NCOR2: variants seen among roughly 807,000 people sequenced by gnomAD.
The protein encoded by NCOR2 is nuclear receptor corepressor 2, also known as CTG repeat protein 26.
NCOR2 carries 81 observed loss-of-function variants against 262.9 expected under a neutral mutation model. That is an observed-to-expected ratio of 0.31 (90% confidence interval 0.26 to 0.37). The LOEUF (loss-of-function observed/expected upper bound fraction) is 0.37. Among genes scored for constraint, NCOR2 ranks in the 10% least tolerant of loss-of-function variants. The pLI, the probability that NCOR2 is intolerant of heterozygous loss-of-function variation, is 1.00. For synonymous variants in NCOR2, 1,659 were observed against 1,559.3 expected (o/e 1.06, Z -1.51); for missense variants, 3,385 against 3,621.4 (o/e 0.93, Z 1.68).
chr12:124,338,957 ACC>A, intron 37 of NCOR2, among the ~76,000 whole-genome samples: 1 of 65,904 alleles, frequency 1.5e-5, no homozygotes, highest in African/African-American at 6.2e-5. Context: ...TCACCCACCC[ACC>A]TACCTCCCTA....
chr12:124,433,323 G>A (rs950641723), intron 8 of NCOR2, among the ~76,000 whole-genome samples: 3 of 152,196 alleles, frequency 2.0e-5, no homozygotes, highest in Non-Finnish European at 4.4e-5. Flanking sequence ...ATGCCACCTC[G>A]GCCCCTGTCC....
intron 1 of NCOR2, among the ~76,000 whole-genome samples, chr12:124,520,861 G>A (rs1186838893): frequency 1.3e-5 from 2 of 152,370 alleles, no homozygotes; most frequent in East Asian, 3.9e-4. Context: ...CGTCTGCTGA[G>A]CAGAGCTTTG....
intron 1 of NCOR2, among the ~76,000 whole-genome samples, chr12:124,529,398 C>T (rs182836491): frequency 1.9e-3 from 289 of 152,094 alleles, no homozygotes; most frequent in Non-Finnish European, 2.9e-3. Context: ...CGCTTGAACC[C>T]GGGAGGCGGA....
intron 20 of NCOR2, 71 bp downstream of exon 22, chr12:124,371,951 T>C (rs948496226): frequency 1.9e-5 from 28 of 1,445,540 alleles, no homozygotes; most frequent in Non-Finnish European, 5.5e-6. Flanking sequence ...GGTGCGGCTG[T>C]CTAAGTAGGT....
In NCOR2 at chr12:124,429,510, C is replaced by T. The variant is rs982836108; in HGVS notation, c.1149+103G>A. ...CCCGCGCTTCGGTGGCAAAGCCCCT[C>T]GACGTAAACCACCCGGGAGGTGGTT... On this transcript the variant is annotated intron_variant, in intron 10 of 46. Transcript: ENST00000405201. 2.5e-5 allele frequency: 32 copies of T among 1,268,142 alleles called. No homozygotes were observed. The East Asian group carries it at 6.4e-4, about 25-fold the overall frequency. The allele number at this position is 1,268,142 out of a possible 1,614,324, so 78.6% of individuals were successfully genotyped here.
chr12:124,415,859 C>T (rs1448415220), intron 13 of NCOR2, among the ~76,000 whole-genome samples: 1 of 152,118 alleles, frequency 6.6e-6, no homozygotes, highest in Admixed American at 6.5e-5. Flanking sequence ...CCCCAGACAT[C>T]TAATGCCCTC....
chr12:124,560,373 G>A (rs2052028678), intron 1 of NCOR2, among the ~76,000 whole-genome samples: 1 of 152,226 alleles, frequency 6.6e-6, no homozygotes, highest in Non-Finnish European at 1.5e-5. Flanking sequence ...ACCGAAATTT[G>A]CATTTCATAT....
Position 124,422,570 on chromosome 12 carries a change from G to A in NCOR2, c.1329-15C>T, listed in dbSNP as rs2043271539. On this transcript the variant is annotated splice_polypyrimidine_tract_variant and intron_variant, in intron 11 of 46. Transcript: ENST00000405201. The stretch of plus-strand genomic sequence containing the variant: ...GCTGCATGAACCTGCGGGACGAGAA[G>A]GGTGGGCGTGAGACCTGGCCGAGGG... The A allele has an allele frequency of 6.2e-7, 1 of 1,613,734 alleles. No individual in the cohort carries two copies. The highest frequency in any genetic ancestry group is 1.6e-4 in the Middle Eastern group (1 of 6,062).
intron 28 of NCOR2, among the ~76,000 whole-genome samples, chr12:124,350,346 C>T (rs569211771): frequency 1.3e-5 from 2 of 152,338 alleles, no homozygotes; most frequent in East Asian, 3.9e-4. Context: ...CCCTCCTATG[C>T]TTCTAAAAAG....
chr12:124,421,666 C>CG (rs2043209896), intron 12 of NCOR2, among the ~76,000 whole-genome samples: 1 of 152,234 alleles, frequency 6.6e-6, no homozygotes, highest in Non-Finnish European at 1.5e-5. Flanking sequence ...GGGCAGGTCC[C>CG]CATCTCTGAG....
rs1291203464 is a variant in NCOR2, at chr12:124,483,461, C to T, written c.411+135G>A. On this transcript the variant is annotated intron_variant, in intron 3 of 46. Coordinates refer to ENST00000405201, the Ensembl canonical transcript of NCOR2. The surrounding 1 kb of genome is among the most constrained non-coding windows in gnomAD (Gnocchi z 6.3). ...TTCCTGCCACCCAGCTCTGTGCACC[C>T]GGTGCTTGGCCCACCTCCAAGCCTT... The T allele has an allele frequency of 7.0e-5, 67 of 960,158 alleles. No individual in the cohort carries two copies. The highest frequency in any genetic ancestry group is 8.7e-5 in the Non-Finnish European group (59 of 676,718). The allele number at this position is 960,158 out of a possible 1,614,324, so 59.5% of individuals were successfully genotyped here.
intron 13 of NCOR2, among the ~76,000 whole-genome samples, chr12:124,414,470 T>TA (rs1005563955): frequency 2.0e-5 from 3 of 152,166 alleles, no homozygotes; most frequent in Admixed American, 2.0e-4. Context: ...CAGGGCCAGG[T>TA]GCCCCTGGAA....
At chr12:124,458,178 C>T (rs2045979775) in intron 5 of NCOR2, among the ~76,000 whole-genome samples, 3 of 152,224 alleles carry the variant, frequency 2.0e-5, no homozygotes, top group African/African-American at 7.2e-5. Context: ...CTGAAACTGT[C>T]CCCAGTGACC....
rs2040213099 is a variant in NCOR2, at chr12:124,378,969, C to CACAG, written c.2020-589_2020-586dup. 4.1e-5 allele frequency among the ~76,000 whole-genome samples: 1 copy of CACAG among 24,496 alleles called. No homozygotes were observed. The highest frequency in any genetic ancestry group is 1.7e-4 in the Non-Finnish European group (1 of 5,900). The allele number at this position is 24,496 out of a possible 152,430, so 16.1% of individuals were successfully genotyped here. On this transcript the variant is annotated intron_variant, in intron 17 of 46. Coordinates refer to ENST00000405201, the Ensembl canonical transcript of NCOR2. This position sits in a 1 kb window ranked among gnomAD's most constrained non-coding sequence, Gnocchi z 4.2. ...GGGGAGACTGGCAACGTGCTCCTCA[C>CACAG]ACAGAAGCAGCACTCAGAGGATCAG...
intron 3 of NCOR2, among the ~76,000 whole-genome samples, chr12:124,479,526 C>T (rs1000662780): frequency 3.9e-5 from 6 of 151,930 alleles, no homozygotes; most frequent in African/African-American, 1.2e-4. Flanking sequence ...TGCGCGCACA[C>T]GCACACACAC....
rs548604804 is a variant in NCOR2 at position 124,463,261 on chromosome 12, C to T, written c.705+2912G>A. Among the ~76,000 whole-genome samples, 13 of 152,364 alleles carry T rather than the reference C, an allele frequency of 8.5e-5. No individual in the cohort carries two copies. The East Asian group carries it at 9.6e-4, about 11-fold the overall frequency. ...CACCACCTTTGAAGATCAAAGGAGA[C>T]GCCAGTCCCCTCTCTGGGACTTGGC... On this transcript the variant is annotated intron_variant, in intron 5 of 46. Coordinates refer to ENST00000405201, the Ensembl canonical transcript of NCOR2.
In NCOR2 at chr12:124,389,988, T is replaced by G. The variant is rs1340535879; in HGVS notation, c.1877-4101A>C. The stretch of plus-strand genomic sequence containing the variant: ...TGGGATCATTAACCTGCTTTTCCCT[T>G]TAACTCCCAGCCCTTCCATCCTGCC... On this transcript the variant is annotated intron_variant, in intron 16 of 46. Coordinates refer to ENST00000405201, the Ensembl canonical transcript of NCOR2. This position sits in a 1 kb window ranked among gnomAD's most constrained non-coding sequence, Gnocchi z 4.4. Among the ~76,000 whole-genome samples, 5 of 152,132 alleles carry G rather than the reference T, an allele frequency of 3.3e-5. No homozygotes were observed. Among genetic ancestry groups the G allele is most frequent in the Admixed American group, 6.5e-5 (1 of 15,280 alleles).
At position 124,440,720 on chromosome 12, in the gene NCOR2, A is replaced by G. The variant is rs569063518; in HGVS notation, c.816-2724T>C. ...TGACCAAGATAATCCTGGATTTGGG[A>G]ACTTAAATGGAATGGTGGGCTAGTG... On this transcript the variant is annotated intron_variant, in intron 7 of 46. Coordinates refer to ENST00000405201, the Ensembl canonical transcript of NCOR2. This position sits in a 1 kb window ranked among gnomAD's most constrained non-coding sequence, Gnocchi z 5.7. Among the ~76,000 whole-genome samples, 1 of 152,116 alleles carries G rather than the reference A, an allele frequency of 6.6e-6. No homozygotes were observed. The highest frequency in any genetic ancestry group is 1.5e-5 in the Non-Finnish European group (1 of 68,014).
chr12:124,500,169 C>G (rs2048621133), upstream of NCOR2, among the ~76,000 whole-genome samples: 1 of 150,990 alleles, frequency 6.6e-6, no homozygotes, highest in Non-Finnish European at 1.5e-5. Flanking sequence ...GGCCGGGATA[C>G]CCAACGGGGA....
Sources: allele counts gnomAD v4.1 joint callset (sites outside exome capture counted in the v4.1 genomes callset), GRCh38; gene constraint gnomAD v4.1.1; non-coding constraint Gnocchi (gnomAD v3.1); transcripts MANE v1.5; gene names NCBI Gene and HGNC (gene_info 2026-07-23, HGNC 2026-07-21).